ALMS1: variants seen among roughly 807,000 people sequenced by gnomAD.
ALMS1 encodes ALMS1 centrosome and basal body associated protein.
ALMS1 carries 271 observed loss-of-function variants against 352.2 expected under a neutral mutation model. The ratio of observed to expected loss-of-function variants is 0.77; its 90% CI spans 0.70 to 0.85. ALMS1 has a LOEUF of 0.85. Ranked by LOEUF, ALMS1 falls within the 40% of genes least tolerant of loss-of-function variation. ALMS1 has a pLI of 0.00. For synonymous variants in ALMS1, 1,865 were observed against 1,761.2 expected, an observed-to-expected ratio of 1.06 and a Z score of -1.48; for missense variants, 5,445 against 4,870.7, an observed-to-expected ratio of 1.12 and a Z score of -3.51.
chr2:73,482,467 G>C (rs1672731767), intron 9 of ALMS1, among the ~76,000 whole-genome samples: 1 of 152,144 alleles, frequency 6.6e-6, no homozygotes, highest in African/African-American at 2.4e-5. Flanking sequence ...GTGTGCTGCT[G>C]GATTCAGTTT....
intron 10 of ALMS1, among the ~76,000 whole-genome samples, chr2:73,518,437 G>T (rs992007737): frequency 6.6e-6 from 1 of 152,144 alleles, no homozygotes; most frequent in African/African-American, 2.4e-5. Context: ...TTGTGTGCAC[G>T]TGTCTTTATG....
At chr2:73,537,304 TA>T (rs1282329920) in intron 12 of ALMS1, among the ~76,000 whole-genome samples, 4 of 152,222 alleles carry the variant, frequency 2.6e-5, no homozygotes. Context: ...GACATATTCC[TA>T]AGACTCTGGG....
At chr2:73,472,868 T>C (rs762030948) in intron 9 of ALMS1, among the ~76,000 whole-genome samples, 2 of 152,052 alleles carry the variant, frequency 1.3e-5, no homozygotes, top group African/African-American at 4.8e-5. Flanking sequence ...AGAGCTTTCC[T>C]GGGACTGGGG....
chr2:73,490,015 C>A lies in ALMS1; in HGVS notation c.8056C>A (p.Pro2686Thr), dbSNP rs1672942193. Residue 2686 changes from proline to threonine, a missense_variant, in exon 10 of 23, where the codon CCT becomes ACT. Transcript: ENST00000613296. ...CCCTTGGCTGTCAGAATTAGTAGAA[C>A]CTGCTTTTGTGCCACCTAAAGAAGT... ...MDPWLSELVE[P>T]AFVPPKEVDF... is the part of the protein sequence containing the mutation. The A allele has an allele frequency of 1.2e-6, 2 of 1,614,106 alleles. No individual in the cohort carries two copies. Among genetic ancestry groups the A allele is most frequent in the South Asian group, 2.2e-5 (2 of 91,084 alleles).
chr2:73,438,168 TAG>T lies in ALMS1; in HGVS notation c.1432+5878_1432+5879del, dbSNP rs139329454. 2.8e-3 allele frequency among the ~76,000 whole-genome samples: 419 copies of T among 152,228 alleles called. 1 individual carries two copies. Among genetic ancestry groups the T allele is most frequent in the African/African-American group, 9.5e-3 (396 of 41,542 alleles). On this transcript the variant is annotated intron_variant, in intron 7 of 22. Coordinates refer to ENST00000613296, the MANE Select transcript of ALMS1 (RefSeq NM_001378454.1). ...CAGGCAGCAATCCCTCCCTCATCAATAGGGTGAAGAGGAGGCAAAAGAAAGAA... is the reference window on the plus strand; with the variant it reads ...CAGGCAGCAATCCCTCCCTCATCAATGGTGAAGAGGAGGCAAAAGAAAGAA...
intron 9 of ALMS1, among the ~76,000 whole-genome samples, chr2:73,460,873 C>T (rs1572943885): frequency 6.6e-6 from 1 of 152,244 alleles, no homozygotes; most frequent in Admixed American, 6.5e-5. Context: ...AACTGCAAGG[C>T]AGCAGCGAGG....
intron 11 of ALMS1, among the ~76,000 whole-genome samples, chr2:73,524,544 C>T (rs1276471623): frequency 6.6e-6 from 1 of 152,130 alleles, no homozygotes; most frequent in African/African-American, 2.4e-5. Context: ...CAACCTCTGC[C>T]TCCTTGGTTC....
intron 12 of ALMS1, among the ~76,000 whole-genome samples, chr2:73,546,778 G>A (rs1046064137): frequency 6.6e-6 from 1 of 152,170 alleles, no homozygotes; most frequent in African/African-American, 2.4e-5. Context: ...AAAAGAGCTT[G>A]ATGCATTTGA....
intron 10 of ALMS1, among the ~76,000 whole-genome samples, chr2:73,503,467 A>C (rs1415067740): frequency 6.6e-6 from 1 of 152,142 alleles, no homozygotes. Flanking sequence ...CATGGTGTAT[A>C]TGTGGCACAT....
At chr2:73,428,516 A>G (rs1327994178) in intron 6 of ALMS1, among the ~76,000 whole-genome samples, 9 of 152,252 alleles carry the variant, frequency 5.9e-5, no homozygotes, top group African/African-American at 9.6e-5. Flanking sequence ...AAAGTGTTCT[A>G]AATTTTTAAT....
chr2:73,490,891 G>A lies in ALMS1; in HGVS notation c.8932G>A (p.Asp2978Asn). ...QCQSKAPGVD[D>N]QMNKHHFPLP... ...CCAAAGCAAAGCGCCAGGTGTAGAT[G>A]ACCAAATGAATAAACACCATTTTCC... is the stretch of plus-strand genomic sequence containing the variant. Residue 2978 changes from aspartate (D) to asparagine (N), a missense_variant, in exon 10 of 23, where the codon GAC (aspartate) becomes AAC (asparagine). Coordinates refer to ENST00000613296, the MANE Select transcript of ALMS1 (RefSeq NM_001378454.1). 6.2e-7 allele frequency: 1 copy of A among 1,613,254 alleles called. No homozygotes were observed. The highest frequency in any genetic ancestry group is 8.5e-7 in the Non-Finnish European group (1 of 1,179,718).
At chr2:73,508,873 G>A (rs1055664088) in intron 10 of ALMS1, among the ~76,000 whole-genome samples, 2 of 152,078 alleles carry the variant, frequency 1.3e-5, no homozygotes, top group Non-Finnish European at 2.9e-5. Context: ...TTTGTAGGTC[G>A]CTAAGAACTT....
At chr2:73,432,485 A>G (rs1379897470) in intron 7 of ALMS1, among the ~76,000 whole-genome samples, 194 bp downstream of exon 7, 1 of 152,236 alleles carries the variant, frequency 6.6e-6, no homozygotes, top group Non-Finnish European at 1.5e-5. Flanking sequence ...AGTATGGCTT[A>G]TAAACAACAG....
At chr2:73,515,123 C>T (rs1489360210) in intron 10 of ALMS1, among the ~76,000 whole-genome samples, 2 of 152,034 alleles carry the variant, frequency 1.3e-5, no homozygotes, top group Admixed American at 6.5e-5. Flanking sequence ...GTCATCCGTT[C>T]GTTCTTTTTA....
intron 4 of ALMS1, among the ~76,000 whole-genome samples, chr2:73,423,742 T>A (rs1372864440): frequency 6.6e-6 from 1 of 152,108 alleles, no homozygotes; most frequent in East Asian, 1.9e-4. Context: ...ATAGATCACT[T>A]CTTAAGTGGT....
At position 73,450,256 on chromosome 2, in the gene ALMS1, G is replaced by T; in HGVS notation, c.3729G>T (p.Glu1243Asp). Residue 1243 changes from glutamate to aspartate, a missense_variant, in exon 8 of 23, where the codon GAG becomes GAT. By Grantham distance (45) the Glu-to-Asp change is conservative. Transcript: ENST00000613296. ...TPTSASYSHTEKPGIFYQQVL... is the reference protein window; with the variant it reads ...TPTSASYSHTDKPGIFYQQVL... ...CCTCTGCTTCTTACTCACACACAGA[G>T]AAGCCTGGTATTTTCTACCAACAGG... 1 of 1,614,024 alleles carries T rather than the reference G, an allele frequency of 6.2e-7. No homozygotes were observed.
chr2:73,582,588 C>T (rs568598094), intron 16 of ALMS1, among the ~76,000 whole-genome samples: 3 of 152,274 alleles, frequency 2.0e-5, no homozygotes, highest in African/African-American at 7.2e-5. Context: ...TGAATGATTA[C>T]CTTAGATACC....
At chr2:73,581,466 G>T (rs536560483) in intron 16 of ALMS1, among the ~76,000 whole-genome samples, 5 of 152,360 alleles carry the variant, frequency 3.3e-5, no homozygotes, top group Non-Finnish European at 7.3e-5. Flanking sequence ...ACCATGCTGG[G>T]TAAGGGGATA....
chr2:73,440,694 G>A (rs1046080504), intron 7 of ALMS1, among the ~76,000 whole-genome samples: 1 of 152,078 alleles, frequency 6.6e-6, no homozygotes, highest in Non-Finnish European at 1.5e-5. Context: ...CAAAGTGCTG[G>A]GATTATAGGC....
Sources: gnomAD v4.1 joint callset for allele counts (sites outside exome capture counted in the v4.1 genomes callset) on GRCh38, gnomAD v4.1.1 for gene constraint, MANE v1.5 for transcripts, NCBI Gene and HGNC (gene_info 2026-07-23, HGNC 2026-07-21) for gene names.